PRKG1: variants seen among roughly 807,000 people sequenced by gnomAD.
PRKG1 encodes cGMP-dependent protein kinase 1.
A neutral mutation model predicts 88.1 loss-of-function variants in PRKG1; 35 were observed. That is an observed-to-expected ratio of 0.40 (90% CI 0.30 to 0.53). The LOEUF is 0.53. Among genes scored for constraint, PRKG1 ranks in the 20% least tolerant of loss-of-function variants. PRKG1 has a pLI of 0.59. For synonymous variants in PRKG1, 303 were observed against 292.5 expected (o/e 1.04, Z -0.37); for missense variants, 540 against 839.8 (o/e 0.64, Z 4.41).
chr10:51,001,698 G>A (rs7893612), intron 1 of PRKG1, among the ~76,000 whole-genome samples: 135,780 of 151,988 alleles, frequency 0.89, 60,798 homozygotes, highest in African/African-American at 0.95. Context: ...TAAGGTTTGA[G>A]TAGAAGTACC....
At chr10:51,817,190 CTTATTT>C (rs1176945803) in intron 4 of PRKG1, among the ~76,000 whole-genome samples, 5 of 151,852 alleles carry the variant, frequency 3.3e-5, no homozygotes, top group Admixed American at 2.0e-4. Flanking sequence ...AGATTTTGTA[CTTATTT>C]TTATTTTTTT....
chr10:52,274,469 G>A (rs549790012), intron 12 of PRKG1, among the ~76,000 whole-genome samples: 15 of 149,950 alleles, frequency 1.0e-4, no homozygotes, highest in Non-Finnish European at 1.9e-4. Context: ...CCTTTTTATG[G>A]CTGTGTAGTA....
chr10:51,962,354 C>T (rs760887484), intron 5 of PRKG1, among the ~76,000 whole-genome samples: 14 of 151,304 alleles, frequency 9.3e-5, no homozygotes, highest in Non-Finnish European at 1.9e-4. Context: ...TGTGAGATCT[C>T]GGTTTCCTTA....
intron 4 of PRKG1, among the ~76,000 whole-genome samples, chr10:51,896,656 A>G (rs1001111048): frequency 1.0e-4 from 15 of 150,536 alleles, no homozygotes; most frequent in Non-Finnish European, 2.1e-4. Flanking sequence ...AAAAAAAAAA[A>G]AAAAAAAAAA....
chr10:51,837,506 CA>C (rs1840161581), intron 4 of PRKG1, among the ~76,000 whole-genome samples: 1 of 152,050 alleles, frequency 6.6e-6, no homozygotes, highest in South Asian at 2.1e-4. Context: ...CAAATGCATA[CA>C]GATTTTTCCT....
At chr10:52,097,363 T>G (rs1004053248) in intron 7 of PRKG1, among the ~76,000 whole-genome samples, 5 of 152,172 alleles carry the variant, frequency 3.3e-5, no homozygotes, top group African/African-American at 4.8e-5. Flanking sequence ...AATTGTTGAA[T>G]ATTTGATTAG....
intron 2 of PRKG1, among the ~76,000 whole-genome samples, chr10:51,219,851 T>C (rs1838481510): frequency 6.6e-6 from 1 of 152,144 alleles, no homozygotes; most frequent in African/African-American, 2.4e-5. Flanking sequence ...AAATTTGAGT[T>C]AGATTTCTGT....
At chr10:52,072,796 A>T (rs73342921) in intron 7 of PRKG1, among the ~76,000 whole-genome samples, 3,869 of 152,180 alleles carry the variant, frequency 0.025, 152 homozygotes, top group African/African-American at 0.088. Context: ...TAGTGCCACC[A>T]TGATCTGTCT....
rs1286646328 is a variant in PRKG1 at position 51,452,432 on chromosome 10, A to G, written c.479-15291A>G. On this transcript the variant is annotated intron_variant, in intron 2 of 17. Coordinates refer to ENST00000373980, the MANE Select transcript of PRKG1 (RefSeq NM_006258.4). ...GTGTGGTGTTGGCTGTGCGTTTGTCATAGATGGCTTTTATTACCTTGAGGT... is the reference window on the plus strand; with the variant it reads ...GTGTGGTGTTGGCTGTGCGTTTGTCGTAGATGGCTTTTATTACCTTGAGGT... Among the ~76,000 whole-genome samples, 2 of 151,974 alleles carry G rather than the reference A, an allele frequency of 1.3e-5. 1 individual carries two copies. The highest frequency in any genetic ancestry group is 2.9e-5 in the Non-Finnish European group (2 of 67,934).
intron 1 of PRKG1, among the ~76,000 whole-genome samples, chr10:51,109,857 A>G (rs1171782116): frequency 6.6e-6 from 1 of 152,172 alleles, no homozygotes; most frequent in African/African-American, 2.4e-5. Flanking sequence ...TGAAGGATTT[A>G]TATCCAAAAT....
intron 2 of PRKG1, among the ~76,000 whole-genome samples, chr10:51,286,817 G>A (rs2132214509): frequency 6.6e-6 from 1 of 152,276 alleles, no homozygotes; most frequent in Middle Eastern, 3.4e-3. Context: ...CTAAGAATGT[G>A]GTTCAGTTCA....
intron 3 of PRKG1, among the ~76,000 whole-genome samples, chr10:51,645,056 A>T (rs1459486268): frequency 1.3e-5 from 2 of 152,152 alleles, no homozygotes; most frequent in Non-Finnish European, 2.9e-5. Flanking sequence ...TCCTGATATC[A>T]AGTGATCTGT....
chr10:51,392,351 T>C (rs899891511), intron 2 of PRKG1, among the ~76,000 whole-genome samples: 2 of 151,966 alleles, frequency 1.3e-5, no homozygotes, highest in African/African-American at 4.8e-5. Flanking sequence ...GCATGCTGCC[T>C]TCAAGCATCT....
intron 3 of PRKG1, among the ~76,000 whole-genome samples, chr10:51,574,994 T>A (rs1235642620): frequency 6.6e-6 from 1 of 151,942 alleles, no homozygotes; most frequent in African/African-American, 2.4e-5. Context: ...ACATTACAGA[T>A]GATATAGTCA....
At chr10:52,192,230 T>C (rs555536136) in intron 9 of PRKG1, among the ~76,000 whole-genome samples, 23 of 152,276 alleles carry the variant, frequency 1.5e-4, no homozygotes, top group African/African-American at 5.3e-4. Flanking sequence ...GTAACTCCCT[T>C]GTTTTCTAGA....
intron 13 of PRKG1, 46 bp downstream of exon 13, chr10:52,280,976 T>A: frequency 6.4e-7 from 1 of 1,573,084 alleles, no homozygotes; most frequent in Non-Finnish European, 8.7e-7. Flanking sequence ...ATTAAAAATA[T>A]TTGTTTATAA....
At chr10:51,922,004 A>G (rs1366086190) in intron 5 of PRKG1, among the ~76,000 whole-genome samples, 2 of 151,878 alleles carry the variant, frequency 1.3e-5, no homozygotes, top group Non-Finnish European at 2.9e-5. Flanking sequence ...TTACTTAAAT[A>G]TTTGGTAGAA....
intron 1 of PRKG1, among the ~76,000 whole-genome samples, chr10:51,116,408 A>G (rs1452971589): frequency 6.6e-6 from 1 of 152,178 alleles, no homozygotes; most frequent in Admixed American, 6.5e-5. Flanking sequence ...GACACGGCTT[A>G]TTGGGCTTCT....
At chr10:51,877,086 T>C (rs1327093305) in intron 4 of PRKG1, among the ~76,000 whole-genome samples, 1 of 152,056 alleles carries the variant, frequency 6.6e-6, no homozygotes, top group African/African-American at 2.4e-5. Flanking sequence ...TTTTTGTGTG[T>C]GAATTTAGGT....
Sources: gnomAD v4.1 joint callset for allele counts (sites outside exome capture counted in the v4.1 genomes callset) on GRCh38, gnomAD v4.1.1 for gene constraint, MANE v1.5 for transcripts, NCBI Gene and HGNC (gene_info 2026-07-23, HGNC 2026-07-21) for gene names.